The following AKAP6 variants were observed in gnomAD, a reference collection of about 807,000 sequenced individuals.
AKAP6 encodes the protein A-kinase anchor protein 6.
In AKAP6, 58 loss-of-function variants were observed where a neutral mutation model predicts 188.5. The observed-to-expected ratio is 0.31, with a 90% CI of 0.25 to 0.38. AKAP6 has a LOEUF of 0.38. Ranked by LOEUF, AKAP6 falls within the 10% of genes least tolerant of loss-of-function variation. The pLI, the probability that AKAP6 is intolerant of heterozygous loss-of-function variation, is 1.00. For synonymous variants in AKAP6, 989 were observed against 998.6 expected (o/e 0.99, Z 0.18); for missense variants, 2,710 against 2,740.0 (o/e 0.99, Z 0.24).
chr14:32,508,440 G>A (rs1403814935), intron 2 of AKAP6, among the ~76,000 whole-genome samples: 1 of 152,136 alleles, frequency 6.6e-6, no homozygotes, highest in South Asian at 2.1e-4. Context: ...ACTATGCTAG[G>A]TTCTGAAGAT....
intron 9 of AKAP6, among the ~76,000 whole-genome samples, chr14:32,707,468 T>G (rs867753913): frequency 2.2e-4 from 33 of 152,090 alleles, no homozygotes; most frequent in African/African-American, 8.0e-4. Flanking sequence ...ACTTGTTTAT[T>G]AGTTAAATGC....
intron 10 of AKAP6, among the ~76,000 whole-genome samples, chr14:32,735,245 C>G (rs992345573): frequency 1.3e-5 from 2 of 152,094 alleles, no homozygotes; most frequent in African/African-American, 4.8e-5. Context: ...ACTTACATCT[C>G]CTGGACATTT....
intron 9 of AKAP6, among the ~76,000 whole-genome samples, chr14:32,720,103 C>T (rs1442677096): frequency 6.6e-6 from 1 of 152,158 alleles, no homozygotes; most frequent in African/African-American, 2.4e-5. Flanking sequence ...TACATAAATT[C>T]TCCTTTGATT....
chr14:32,745,461 TTCTCTCTCTCTCTCTCTC>T (rs71115094), intron 11 of AKAP6, among the ~76,000 whole-genome samples: 4 of 141,342 alleles, frequency 2.8e-5, no homozygotes, highest in Non-Finnish European at 3.1e-5. Context: ...TATTTATTCA[TTCTCTCTCTCTCTCTCTC>T]TCTCTCTCTC....
intron 2 of AKAP6, among the ~76,000 whole-genome samples, chr14:32,443,657 T>G (rs2138746798): frequency 6.6e-6 from 1 of 152,336 alleles, no homozygotes; most frequent in African/African-American, 2.4e-5. Context: ...AGGATTTAAA[T>G]ACACTTTTTT....
chr14:32,679,332 T>C (rs1481286996), intron 8 of AKAP6, among the ~76,000 whole-genome samples: 1 of 152,110 alleles, frequency 6.6e-6, no homozygotes, highest in African/African-American at 2.4e-5. Context: ...TTGATAATAG[T>C]TATGCTCATA....
chr14:32,799,663 C>T lies in AKAP6; in HGVS notation c.3589-21739C>T, dbSNP rs74358738. Among the ~76,000 whole-genome samples the T allele has an allele frequency of 4.9e-3, 742 of 151,966 alleles. 6 individuals are homozygous for T. Among genetic ancestry groups the T allele is most frequent in the East Asian group, 0.034 (177 of 5,166 alleles). ...ATTTCTAGTTTAATTTCATTATGGT[C>T]GGAGAGCATTCGTTGTATGATTTCT... is the stretch of plus-strand genomic sequence containing the variant. On this transcript the variant is annotated intron_variant, in intron 12 of 13. Coordinates refer to ENST00000280979, the MANE Select transcript of AKAP6 (RefSeq NM_004274.5).
chr14:32,572,529 C>A (rs528422805), intron 4 of AKAP6, among the ~76,000 whole-genome samples: 3 of 152,290 alleles, frequency 2.0e-5, no homozygotes, highest in South Asian at 2.1e-4. Context: ...GCAAAGGTAA[C>A]CGCCCAGACA....
chr14:32,455,422 A>G (rs1404475853), intron 2 of AKAP6, among the ~76,000 whole-genome samples: 1 of 152,146 alleles, frequency 6.6e-6, no homozygotes, highest in Non-Finnish European at 1.5e-5. Flanking sequence ...ATTTTCCCCA[A>G]TGTAAGTGCT....
chr14:32,469,250 A>G (rs1402901180), intron 2 of AKAP6, among the ~76,000 whole-genome samples: 1 of 152,214 alleles, frequency 6.6e-6, no homozygotes, highest in Non-Finnish European at 1.5e-5. Context: ...TTGCTTTTCA[A>G]CAGTCTCCAA....
intron 3 of AKAP6, among the ~76,000 whole-genome samples, chr14:32,540,192 A>ATATATATATATTTT (rs1406480125): frequency 5.7e-5 from 7 of 123,430 alleles, no homozygotes; most frequent in South Asian, 2.6e-4. Context: ...ATATATATAT[A>ATATATATATATTTT]TTTTAATTTT....
chr14:32,615,154 CAAGACTCTGTCTCAAAA>C (rs1886510029), intron 7 of AKAP6, among the ~76,000 whole-genome samples: 1 of 55,524 alleles, frequency 1.8e-5, no homozygotes, highest in Admixed American at 2.1e-4. Flanking sequence ...GGCAACAGAG[CAAGACTCTGTCTCAAAA>C]AAAAAAAAAA....
In AKAP6 at chr14:32,744,538, G is replaced by A. The variant is rs202237399; in HGVS notation, c.3372+8656G>A. 1.1e-4 allele frequency among the ~76,000 whole-genome samples: 16 copies of A among 152,174 alleles called. No homozygotes were observed. The East Asian group carries it at 2.9e-3, about 28-fold the overall frequency. ...TCACTGCACTAGCCAGGATGGTCTCGATCTCCTGACCTCGTGATCTGCCCT... is the reference window on the plus strand; with the variant it reads ...TCACTGCACTAGCCAGGATGGTCTCAATCTCCTGACCTCGTGATCTGCCCT... On this transcript the variant is annotated intron_variant, in intron 11 of 13. Transcript: ENST00000280979.
Position 32,484,610 on chromosome 14 carries a change from A to T in AKAP6, c.324+50793A>T. 2 of 212,198 alleles carry T rather than the reference A, an allele frequency of 9.4e-6. 1 individual carries two copies. Among genetic ancestry groups the T allele is most frequent in the Non-Finnish European group, 1.4e-5 (2 of 145,800 alleles). 13.1% of individuals were successfully genotyped at this position (212,198 alleles called of 1,614,324 possible). A position where few individuals can be genotyped will look rare whatever the true frequency, so the allele number is the denominator to read the frequency against. ...AGGTATCACTATGAAGAAGATTATT[A>T]CAAATGCATGGGCTGTGACGATGAC... On this transcript the variant is annotated intron_variant, in intron 2 of 13. Coordinates refer to ENST00000280979, the MANE Select transcript of AKAP6 (RefSeq NM_004274.5).
At chr14:32,412,682 G>A (rs1889527161) in intron 1 of AKAP6, among the ~76,000 whole-genome samples, 1 of 152,164 alleles carries the variant, frequency 6.6e-6, no homozygotes, top group African/African-American at 2.4e-5. Flanking sequence ...GTTCATTGCT[G>A]TGTACTTCAA....
chr14:32,330,713 A>ATTTTTTTTT (rs35147196), intron 1 of AKAP6, among the ~76,000 whole-genome samples: 3 of 62,408 alleles, frequency 4.8e-5, no homozygotes, highest in African/African-American at 7.3e-5. Flanking sequence ...GCTTGGAGTG[A>ATTTTTTTTT]TTTTTTTTTT....
At chr14:32,418,387 G>A (rs551841784) in intron 1 of AKAP6, among the ~76,000 whole-genome samples, 1 of 152,304 alleles carries the variant, frequency 6.6e-6, no homozygotes, top group South Asian at 2.1e-4. Flanking sequence ...TCATGACCCT[G>A]CTTAGAAACT....
rs930943734 is a variant in AKAP6, at chr14:32,831,777, A to T, written c.*1972A>T. 1 of 152,208 alleles carries T rather than the reference A, an allele frequency of 6.6e-6. No homozygotes were observed. Among genetic ancestry groups the T allele is most frequent in the Non-Finnish European group, 1.5e-5 (1 of 68,046 alleles). 9.4% of individuals were successfully genotyped at this position (152,208 alleles called of 1,614,324 possible). A position where few individuals can be genotyped will look rare whatever the true frequency, so the allele number is the denominator to read the frequency against. On this transcript the variant is annotated 3_prime_UTR_variant, in exon 14 of 14. Coordinates refer to ENST00000280979, the MANE Select transcript of AKAP6 (RefSeq NM_004274.5). Reference sequence around the variant, plus strand: ...TTGCAGAGAGTGGAAAGTTAGTGGAATATTCATGAAACTTCATTGCAGGGG... The same window carrying T: ...TTGCAGAGAGTGGAAAGTTAGTGGATTATTCATGAAACTTCATTGCAGGGG...
intron 7 of AKAP6, among the ~76,000 whole-genome samples, chr14:32,642,813 A>T (rs1294878552): frequency 6.6e-6 from 1 of 152,166 alleles, no homozygotes; most frequent in Non-Finnish European, 1.5e-5. Flanking sequence ...CCCTATTAAC[A>T]TTACTCAGGT....
Sources: gnomAD v4.1 joint callset for allele counts (sites outside exome capture counted in the v4.1 genomes callset) on GRCh38, gnomAD v4.1.1 for gene constraint, MANE v1.5 for transcripts, NCBI Gene and HGNC (gene_info 2026-07-23, HGNC 2026-07-21) for gene names.